RFX3: variants seen among roughly 807,000 people sequenced by gnomAD.
The protein encoded by RFX3 is transcription factor RFX3.
RFX3 carries 14 observed loss-of-function variants against 98.6 expected under a neutral mutation model. That is an observed-to-expected ratio of 0.14 (90% CI 0.09 to 0.22). The LOEUF is 0.22. Ranked by LOEUF, RFX3 falls within the 10% of genes least tolerant of loss-of-function variation. The probability of loss-of-function intolerance (pLI) is 1.00; values close to 1 mark genes in which losing one functional copy is unlikely to be tolerated. For synonymous variants in RFX3, 383 were observed against 328.4 expected (o/e 1.17, Z -1.80); for missense variants, 639 against 926.9 (o/e 0.69, Z 4.03).
intron 14 of RFX3, among the ~76,000 whole-genome samples, chr9:3,253,812 T>G (rs1273120793): frequency 2.0e-5 from 3 of 152,198 alleles, no homozygotes; most frequent in African/African-American, 7.2e-5. Flanking sequence ...AATTTACAAA[T>G]TTTTGGCATC....
intron 10 of RFX3, chr9:3,270,775 G>A (rs1824320717): frequency 4.4e-6 from 3 of 674,556 alleles, no homozygotes; most frequent in Non-Finnish European, 7.4e-6. Context: ...AATTCCATGA[G>A]GATGAAATAA....
rs139395607 is a variant in RFX3 at position 3,365,747 on chromosome 9, T to C, written c.118-18983A>G. Among the ~76,000 whole-genome samples the C allele has an allele frequency of 2.9e-3, 441 of 152,228 alleles. 1 individual carries two copies. The highest frequency in any genetic ancestry group is 7.4e-3 in the Admixed American group (113 of 15,306). ...AAGTAAAATGCAACTGCATCCTTTA[T>C]GCTCACACTTCCTGCTATTCCACTT... is the stretch of plus-strand genomic sequence containing the variant. On this transcript the variant is annotated intron_variant, in intron 2 of 16. Coordinates refer to ENST00000617270, the MANE Select transcript of RFX3 (RefSeq NM_001282116.2).
intron 14 of RFX3, among the ~76,000 whole-genome samples, chr9:3,255,185 T>C (rs1821953951): frequency 6.6e-6 from 1 of 152,168 alleles, no homozygotes; most frequent in Admixed American, 6.5e-5. Flanking sequence ...CCAAATCAGT[T>C]GAGAAAGAAA....
chr9:3,288,049 A>C (rs547715061), intron 7 of RFX3, 82 bp downstream of exon 7: 1 of 1,252,970 alleles, frequency 8.0e-7, no homozygotes, highest in East Asian at 2.3e-5. Context: ...TTTTATACTT[A>C]GGTATTTGTT....
intron 14 of RFX3, among the ~76,000 whole-genome samples, chr9:3,255,665 C>CATAT (rs1182251414): frequency 6.6e-6 from 1 of 152,202 alleles, no homozygotes; most frequent in Non-Finnish European, 1.5e-5. Flanking sequence ...TTCCATCCTA[C>CATAT]ATATATGGTA....
At chr9:3,372,222 G>A (rs1254246282) in intron 2 of RFX3, among the ~76,000 whole-genome samples, 1 of 152,088 alleles carries the variant, frequency 6.6e-6, no homozygotes, top group East Asian at 1.9e-4. Flanking sequence ...ATGACCAACA[G>A]AAATACGTGT....
intron 1 of RFX3, among the ~76,000 whole-genome samples, chr9:3,419,471 T>C (rs1233784252): frequency 6.6e-6 from 1 of 152,200 alleles, no homozygotes; most frequent in Non-Finnish European, 1.5e-5. Context: ...TGCTCTGTCT[T>C]TTTGACACTG....
chr9:3,525,795 G>T lies in RFX3; in HGVS notation c.-57C>A. On this transcript the variant is annotated 5_prime_UTR_variant, in exon 1 of 17. Transcript: ENST00000617270. ...TTGTTGGTGGGTGATGGAGATGGTG[G>T]TGGTGGGGAGGAGGAGGAGGAAGAG... The T allele has an allele frequency of 1.7e-6, 1 of 598,972 alleles. No individual in the cohort carries two copies. The highest frequency in any genetic ancestry group is 2.1e-6 in the Non-Finnish European group (1 of 476,246). The allele number at this position is 598,972 out of a possible 1,614,324, so 37.1% of individuals were successfully genotyped here. A position where few individuals can be genotyped will look rare whatever the true frequency, so the allele number is the denominator to read the frequency against.
At chr9:3,449,184 C>A (rs1030975526) in intron 1 of RFX3, among the ~76,000 whole-genome samples, 1 of 152,112 alleles carries the variant, frequency 6.6e-6, no homozygotes, top group Non-Finnish European at 1.5e-5. Context: ...CATAGGAGAG[C>A]AACACCTAGC....
At chr9:3,476,502 C>T (rs1253932823) in intron 1 of RFX3, among the ~76,000 whole-genome samples, 1 of 152,090 alleles carries the variant, frequency 6.6e-6, no homozygotes, top group Non-Finnish European at 1.5e-5. Flanking sequence ...CAGCAATCAC[C>T]ATTAAGATGA....
intron 14 of RFX3, among the ~76,000 whole-genome samples, chr9:3,250,815 G>A (rs1007290311): frequency 3.3e-5 from 5 of 151,572 alleles, no homozygotes; most frequent in South Asian, 2.1e-4. Context: ...TAATATAATC[G>A]TTAAGTTGAA....
chr9:3,236,674 G>A (rs1178079356), intron 15 of RFX3, among the ~76,000 whole-genome samples: 1 of 152,158 alleles, frequency 6.6e-6, no homozygotes, highest in African/African-American at 2.4e-5. Context: ...GGACACAGCA[G>A]GACACACAAA....
intron 3 of RFX3, among the ~76,000 whole-genome samples, chr9:3,331,587 C>T (rs944340379): frequency 3.9e-5 from 6 of 152,050 alleles, no homozygotes; most frequent in African/African-American, 1.4e-4. Flanking sequence ...ATCTTAAAGC[C>T]TGGATGTCTT....
chr9:3,399,751 A>G (rs1311626297), intron 1 of RFX3, among the ~76,000 whole-genome samples: 1 of 151,852 alleles, frequency 6.6e-6, no homozygotes, highest in African/African-American at 2.4e-5. Flanking sequence ...GGAGTTTGAG[A>G]CCAGCCTGAA....
intron 2 of RFX3, among the ~76,000 whole-genome samples, chr9:3,371,589 C>T (rs1254917484): frequency 6.6e-6 from 1 of 152,022 alleles, no homozygotes; most frequent in Non-Finnish European, 1.5e-5. Context: ...GACTTCTTTT[C>T]ATTAATTGTA....
intron 14 of RFX3, among the ~76,000 whole-genome samples, chr9:3,251,960 T>G (rs1821463981): frequency 6.6e-6 from 1 of 152,130 alleles, no homozygotes. Context: ...GCGATTCTCC[T>G]GCCTCAGCCT....
chr9:3,368,358 T>C (rs550614535), intron 2 of RFX3, among the ~76,000 whole-genome samples: 1 of 152,184 alleles, frequency 6.6e-6, no homozygotes, highest in Non-Finnish European at 1.5e-5. Context: ...GTAAAATGTG[T>C]TCCCTTTGGC....
intron 4 of RFX3, among the ~76,000 whole-genome samples, chr9:3,326,133 T>C (rs1303572144): frequency 6.6e-6 from 1 of 152,118 alleles, no homozygotes; most frequent in Non-Finnish European, 1.5e-5. Context: ...AATGTATGTG[T>C]ATGTATTTAT....
At chr9:3,244,301 C>T (rs1820347920) in intron 15 of RFX3, among the ~76,000 whole-genome samples, 2 of 152,116 alleles carry the variant, frequency 1.3e-5, no homozygotes, top group African/African-American at 2.4e-5. Flanking sequence ...CCACCAAGCC[C>T]GGCCTCTTAT....
Sources: gnomAD v4.1 joint callset for allele counts (sites outside exome capture counted in the v4.1 genomes callset) on GRCh38, gnomAD v4.1.1 for gene constraint, MANE v1.5 for transcripts, NCBI Gene and HGNC (gene_info 2026-07-23, HGNC 2026-07-21) for gene names.